FABP6: variants seen among roughly 807,000 people sequenced by gnomAD.
FABP6 encodes the protein fatty acid binding protein 6.
FABP6 carries 13 observed loss-of-function variants against 14.9 expected under a neutral mutation model. The ratio of observed to expected loss-of-function variants is 0.87; its 90% confidence interval spans 0.57 to 1.39. FABP6 has a LOEUF of 1.39. Among genes scored for constraint, FABP6 ranks in the 40% most tolerant of loss-of-function variants. The pLI is 0.00. For missense variants in FABP6, 161 were observed against 167.2 expected (o/e 0.96, Z 0.20); for synonymous variants, 75 against 63.6 (o/e 1.18, Z -0.85).
chr5:160,231,144 C>G (rs1032494746), intron 1 of FABP6, among the ~76,000 whole-genome samples: 2 of 152,198 alleles, frequency 1.3e-5, no homozygotes, highest in Admixed American at 6.5e-5. Context: ...AACCCTGAGA[C>G]CAGGGCCCTT....
chr5:160,234,205 C>T (rs1013022965), intron 2 of FABP6, among the ~76,000 whole-genome samples: 1 of 152,124 alleles, frequency 6.6e-6, no homozygotes, highest in African/African-American at 2.4e-5. Flanking sequence ...TGTAAGTTAT[C>T]TCACCATAAC....
chr5:160,199,748 G>C (rs911909333), intron 2 of FABP6, among the ~76,000 whole-genome samples: 12 of 152,156 alleles, frequency 7.9e-5, no homozygotes, highest in African/African-American at 2.9e-4. Context: ...TGTCCGGCGC[G>C]GGGAGGGACA....
At chr5:160,213,640 T>A in intron 2 of FABP6, 1 of 988,946 alleles carries the variant, frequency 1.0e-6, no homozygotes. Context: ...AGAGCGCTGC[T>A]ATGAGGAGCT....
intron 1 of FABP6, among the ~76,000 whole-genome samples, chr5:160,192,724 G>A (rs1471768288): frequency 6.6e-6 from 1 of 152,270 alleles, no homozygotes; most frequent in Non-Finnish European, 1.5e-5. Context: ...TGTACAGTAA[G>A]GCCAGGCAAG....
At chr5:160,204,309 TCCCC>T (rs1759712059) in intron 2 of FABP6, among the ~76,000 whole-genome samples, 1 of 151,906 alleles carries the variant, frequency 6.6e-6, no homozygotes, top group Non-Finnish European at 1.5e-5. Context: ...AGAGTGAGAC[TCCCC>T]ATCTCTAATA....
intron 1 of FABP6, among the ~76,000 whole-genome samples, chr5:160,195,162 A>G (rs1759483944): frequency 1.3e-5 from 2 of 151,834 alleles, no homozygotes; most frequent in Admixed American, 1.3e-4. Context: ...GCGGGTGCCT[A>G]TAATCCCAGC....
intron 3 of FABP6, among the ~76,000 whole-genome samples, chr5:160,220,907 GT>G (rs1193292189): frequency 6.6e-6 from 1 of 151,714 alleles, no homozygotes; most frequent in Non-Finnish European, 1.5e-5. Context: ...GGCCAACATG[GT>G]GAAACCCCGT....
chr5:160,193,060 T>C (rs1483084436), intron 1 of FABP6, among the ~76,000 whole-genome samples: 7 of 152,144 alleles, frequency 4.6e-5, no homozygotes, highest in Non-Finnish European at 8.8e-5. Flanking sequence ...CCGGAATTGG[T>C]GGGTTCTTGG....
At chr5:160,220,360 A>C (rs1002036537) in intron 3 of FABP6, among the ~76,000 whole-genome samples, 1 of 152,184 alleles carries the variant, frequency 6.6e-6, no homozygotes, top group Non-Finnish European at 1.5e-5. Context: ...CTGTAATCCC[A>C]GGACTTTGGG....
At chr5:160,228,940 C>G (rs956209708), upstream of FABP6, among the ~76,000 whole-genome samples, 5 of 152,144 alleles carry the variant, frequency 3.3e-5, no homozygotes, top group African/African-American at 1.2e-4. Flanking sequence ...AGACGGGTGC[C>G]AAATGCCACC....
At chr5:160,237,266 C>G (rs1760537713) in intron 3 of FABP6, among the ~76,000 whole-genome samples, 2 of 152,126 alleles carry the variant, frequency 1.3e-5, no homozygotes, top group South Asian at 4.1e-4. Context: ...AGCGAACCTG[C>G]TTGTCAATTC....
chr5:160,210,920 G>T (rs538891241), intron 2 of FABP6, among the ~76,000 whole-genome samples: 34 of 152,268 alleles, frequency 2.2e-4, no homozygotes, highest in Admixed American at 1.4e-3. Context: ...GTTTGCCAGT[G>T]GCAGGAGAGG....
chr5:160,221,354 G>A (rs959018878), intron 3 of FABP6, among the ~76,000 whole-genome samples: 1 of 152,136 alleles, frequency 6.6e-6, no homozygotes, highest in African/African-American at 2.4e-5. Flanking sequence ...CTGATTGGAG[G>A]AGGCGGGGGT....
At chr5:160,228,675 T>A, upstream of FABP6, 1 of 382,524 alleles carries the variant, frequency 2.6e-6, no homozygotes, top group East Asian at 7.2e-5. Context: ...TCAAGGCACC[T>A]GGCACCTTCT....
upstream of FABP6, among the ~76,000 whole-genome samples, chr5:160,227,606 A>C (rs1389598957): frequency 1.3e-5 from 2 of 150,074 alleles, no homozygotes; most frequent in Non-Finnish European, 3.0e-5. Flanking sequence ...GGATCACTGG[A>C]GCCTGGGAGG....
At chr5:160,235,372 G>C (rs531372274) in intron 3 of FABP6, among the ~76,000 whole-genome samples, 6 of 152,264 alleles carry the variant, frequency 3.9e-5, no homozygotes, top group Non-Finnish European at 8.8e-5. Context: ...AGAGAAGTTG[G>C]AAATTTGCAC....
At chr5:160,238,050 G>A (rs1162561532) in intron 3 of FABP6, among the ~76,000 whole-genome samples, 11 of 152,088 alleles carry the variant, frequency 7.2e-5, no homozygotes, top group Non-Finnish European at 1.5e-5. Context: ...ACATCCAATG[G>A]CAGCACAGCT....
At chr5:160,188,352 C>T (rs890682604) in intron 1 of FABP6, among the ~76,000 whole-genome samples, 3 of 150,934 alleles carry the variant, frequency 2.0e-5, no homozygotes, top group African/African-American at 7.3e-5. Flanking sequence ...AAAAAAGAAA[C>T]GAAAAAAACA....
rs1580924078 is a variant in FABP6, at chr5:160,232,292, T to G, written c.243+19T>G. The G allele has an allele frequency of 1.9e-6, 3 of 1,566,078 alleles. No individual in the cohort carries two copies. Among genetic ancestry groups the G allele is most frequent in the Non-Finnish European group, 2.6e-6 (3 of 1,153,278 alleles). On this transcript the variant is annotated intron_variant, in intron 2 of 3. Coordinates refer to ENST00000402432, the MANE Select transcript of FABP6 (RefSeq NM_001445.3). The stretch of plus-strand genomic sequence containing the variant: ...GTTCAAGGTGAGAGGCCACTGGCTG[T>G]CCCCCTCCTTCCCCAGGCCTCCATC...
Sources: gnomAD v4.1 joint callset for allele counts (sites outside exome capture counted in the v4.1 genomes callset) on GRCh38, gnomAD v4.1.1 for gene constraint, MANE v1.5 for transcripts, NCBI Gene and HGNC (gene_info 2026-07-23, HGNC 2026-07-21) for gene names.